ASIP: variants seen among roughly 807,000 people sequenced by gnomAD.
The protein encoded by ASIP is agouti signaling protein.
Under a neutral mutation model 10.3 loss-of-function variants are expected in ASIP, and 11 were observed. The observed-to-expected ratio is 1.07, with a 90% CI of 0.68 to 1.78. The LOEUF (loss-of-function observed/expected upper bound fraction) is 1.78. Ranked by LOEUF, ASIP falls within the 40% of genes most tolerant of loss-of-function variation. The pLI is 0.00. For missense variants in ASIP, 180 were observed against 169.2 expected (o/e 1.06, Z -0.35); for synonymous variants, 70 against 70.8 (o/e 0.99, Z 0.06).
chr20:34,245,349 A>G lies in ASIP; in HGVS notation c.-11+3860A>G, dbSNP rs563130191. 2.8e-3 allele frequency among the ~76,000 whole-genome samples: 416 copies of G among 150,832 alleles called. 3 individuals are homozygous for G. Among genetic ancestry groups the G allele is most frequent in the Non-Finnish European group, 2.5e-3 (169 of 67,784 alleles). On this transcript the variant is annotated intron_variant, in intron 1 of 3. Coordinates refer to ENST00000374954, the MANE Select transcript of ASIP (RefSeq NM_001672.3). ...ACTCTGTCTCAAAAAAAAAAAAAAAAAGAGAGAGAGACAAAGAGAAAGTCA... is the reference window on the plus strand; with the variant it reads ...ACTCTGTCTCAAAAAAAAAAAAAAAGAGAGAGAGAGACAAAGAGAAAGTCA...
chr20:34,225,344 C>A (rs1167345941), intron 1 of ASIP, among the ~76,000 whole-genome samples: 2 of 150,732 alleles, frequency 1.3e-5, no homozygotes, highest in Admixed American at 1.3e-4. Context: ...CTGCCTGCAC[C>A]TTTGTTATAT....
At chr20:34,235,697 T>A (rs1342387276) in intron 1 of ASIP, among the ~76,000 whole-genome samples, 1 of 148,782 alleles carries the variant, frequency 6.7e-6, no homozygotes, top group Non-Finnish European at 1.5e-5. Flanking sequence ...GGTGGGAGGA[T>A]TGCTAGAGCC....
At chr20:34,262,389 C>T (rs2035708690) in intron 2 of ASIP, among the ~76,000 whole-genome samples, 1 of 152,190 alleles carries the variant, frequency 6.6e-6, no homozygotes, top group South Asian at 2.1e-4. Flanking sequence ...CCTCCTGGCT[C>T]CAGAGCTCTC....
At chr20:34,258,230 A>G (rs2378132) in intron 1 of ASIP, among the ~76,000 whole-genome samples, 43,136 of 151,820 alleles carry the variant, frequency 0.28, 11,003 homozygotes, top group African/African-American at 0.69. Flanking sequence ...TGATGTTCTT[A>G]TTCCAATCCA....
At chr20:34,210,153 C>T (rs866626822) in intron 1 of ASIP, among the ~76,000 whole-genome samples, 1 of 152,214 alleles carries the variant, frequency 6.6e-6, no homozygotes, top group Non-Finnish European at 1.5e-5. Flanking sequence ...GACAAGAACT[C>T]GGGACCTACC....
At chr20:34,252,108 C>T (rs933720868) in intron 1 of ASIP, among the ~76,000 whole-genome samples, 2 of 152,240 alleles carry the variant, frequency 1.3e-5, no homozygotes, top group Admixed American at 6.5e-5. Context: ...GTCCTATCCT[C>T]TTATGAAGGG....
At chr20:34,207,340 G>T (rs2034944084) in intron 1 of ASIP, among the ~76,000 whole-genome samples, 1 of 152,120 alleles carries the variant, frequency 6.6e-6, no homozygotes, top group South Asian at 2.1e-4. Flanking sequence ...TTGGCCCTTT[G>T]TATGCCTTCT....
intron 3 of ASIP, among the ~76,000 whole-genome samples, chr20:34,264,565 A>G (rs2035752519): frequency 6.6e-6 from 1 of 152,182 alleles, no homozygotes; most frequent in Admixed American, 6.5e-5. Context: ...TACAAGAAAA[A>G]GTTGCTTGAA....
intron 1 of ASIP, among the ~76,000 whole-genome samples, chr20:34,195,696 G>C (rs1222607929): frequency 6.6e-6 from 1 of 152,114 alleles, no homozygotes; most frequent in Non-Finnish European, 1.5e-5. Context: ...TTGGGGCTTT[G>C]AAAAAACAGA....
At chr20:34,192,071 C>T (rs974865735), upstream of ASIP, among the ~76,000 whole-genome samples, 4 of 151,292 alleles carry the variant, frequency 2.6e-5, no homozygotes, top group African/African-American at 9.7e-5. Context: ...GATGGAGTTT[C>T]GCTCTTGTTG....
intron 1 of ASIP, among the ~76,000 whole-genome samples, chr20:34,232,491 A>G (rs1299926870): frequency 1.3e-5 from 2 of 152,174 alleles, no homozygotes. Context: ...CACTGTCAAT[A>G]AATCCCCAAG....
At chr20:34,197,542 C>T (rs2034866224) in intron 1 of ASIP, among the ~76,000 whole-genome samples, 1 of 152,184 alleles carries the variant, frequency 6.6e-6, no homozygotes, top group South Asian at 2.1e-4. Context: ...CCTGTAGCTA[C>T]ACCCCGTGTG....
At chr20:34,189,404 G>A in the ASIP span, among the ~76,000 whole-genome samples, 12 of 152,072 alleles carry the variant, frequency 7.9e-5, no homozygotes, top group East Asian at 1.4e-3. Context: ...CACCACGCCC[G>A]GCTAATTTTG....
chr20:34,193,978 G>A (rs1461428697), upstream of ASIP, among the ~76,000 whole-genome samples: 2 of 152,130 alleles, frequency 1.3e-5, no homozygotes, highest in Non-Finnish European at 2.9e-5. Flanking sequence ...GTTTCCTGAG[G>A]TTACCTCTTC....
intron 1 of ASIP, among the ~76,000 whole-genome samples, chr20:34,258,252 A>C (rs902587049): frequency 2.0e-5 from 3 of 152,038 alleles, no homozygotes; most frequent in African/African-American, 7.2e-5. Context: ...CATGATTCTT[A>C]CAATCTAGAC....
intron 1 of ASIP, among the ~76,000 whole-genome samples, chr20:34,225,627 T>C (rs2035087490): frequency 1.3e-5 from 2 of 152,120 alleles, no homozygotes. Context: ...TCTGGAGAAG[T>C]CTTGTTTCGT....
rs1312073529 is a variant in ASIP at position 34,223,247 on chromosome 20, C to A, written c.-11+28487C>A. ...GGAGCGTCTCTGCCCGGCCGCCCAT[C>A]GTCTGAGATGTGGGGAGCGCCTCTG... is the stretch of plus-strand genomic sequence containing the variant. On this transcript the variant is annotated intron_variant, in intron 1 of 3. Coordinates refer to the ASIP transcript ENST00000568305. Among the ~76,000 whole-genome samples, 34 of 150,884 alleles carry A rather than the reference C, an allele frequency of 2.3e-4. 1 individual carries two copies. The highest frequency in any genetic ancestry group is 7.6e-4 in the African/African-American group (31 of 40,990).
chr20:34,235,668 C>T (rs2035171532), intron 1 of ASIP, among the ~76,000 whole-genome samples: 1 of 151,438 alleles, frequency 6.6e-6, no homozygotes, highest in Non-Finnish European at 1.5e-5. Context: ...CCTGTGGCCC[C>T]TACTACTCAG....
chr20:34,212,148 A>G (rs2034978942), intron 1 of ASIP, among the ~76,000 whole-genome samples: 1 of 152,144 alleles, frequency 6.6e-6, no homozygotes, highest in Non-Finnish European at 1.5e-5. Flanking sequence ...TTCTGCTTTA[A>G]GCTGAGTCTA....
Sources: allele counts gnomAD v4.1 joint callset (sites outside exome capture counted in the v4.1 genomes callset), GRCh38; gene constraint gnomAD v4.1.1; transcripts MANE v1.5; gene names NCBI Gene and HGNC (gene_info 2026-07-23, HGNC 2026-07-21).